The following SLC16A12 variants were observed in gnomAD, a reference collection of about 807,000 sequenced individuals.
SLC16A12 encodes the protein monocarboxylate transporter 12.
Under a neutral mutation model 42.4 loss-of-function variants are expected in SLC16A12, and 17 were observed. That is an observed-to-expected ratio of 0.40 (90% CI 0.27 to 0.60). The LOEUF (loss-of-function observed/expected upper bound fraction) is 0.60, where lower values mean the gene tolerates loss of function less well. SLC16A12 is among the 20% of genes least tolerant of loss of function. SLC16A12 has a pLI of 0.42. For synonymous variants in SLC16A12, 224 were observed against 229.4 expected (o/e 0.98, Z 0.21); for missense variants, 544 against 623.0 (o/e 0.87, Z 1.35).
chr10:89,508,929 C>A (rs1157639999), intron 2 of SLC16A12, among the ~76,000 whole-genome samples: 2 of 152,074 alleles, frequency 1.3e-5, no homozygotes. Flanking sequence ...TGTCATTACA[C>A]AGAAATACAA....
intron 2 of SLC16A12, among the ~76,000 whole-genome samples, chr10:89,480,533 A>G (rs1401173949): frequency 6.6e-6 from 1 of 152,222 alleles, no homozygotes; most frequent in Non-Finnish European, 1.5e-5. Context: ...TTTCCAAACT[A>G]AAAAGTAAGA....
At chr10:89,537,132 G>A (rs921193216), upstream of SLC16A12, among the ~76,000 whole-genome samples, 1 of 148,896 alleles carries the variant, frequency 6.7e-6, no homozygotes, top group Non-Finnish European at 1.5e-5. Context: ...ACGCAGCAAG[G>A]CACCGTAGGT....
intron 6 of SLC16A12, among the ~76,000 whole-genome samples, chr10:89,437,254 G>A (rs1341844442): frequency 6.6e-6 from 1 of 152,206 alleles, no homozygotes; most frequent in Non-Finnish European, 1.5e-5. Context: ...GATCTCCCAA[G>A]TGGTATTCCC....
chr10:89,462,384 G>C lies in SLC16A12; in HGVS notation c.195C>G (p.Val65=), dbSNP rs755203615. 5.6e-6 allele frequency: 9 copies of C among 1,613,898 alleles called. No homozygotes were observed. In the East Asian group the frequency reaches 2.0e-4, roughly 36 times the overall value. ...AAGAAGAAAATCCTACCTACCTTGTGACTGCCCGTGTGCAGATGGTAACAA... is the reference window on the plus strand; with the variant it reads ...AAGAAGAAAATCCTACCTACCTTGTCACTGCCCGTGTGCAGATGGTAACAA... ...CFLVTICTRA[V]TRCISIFFVE... The change falls in exon 3 of 8, where the codon GTC becomes GTG. Residue 65 remains valine (V), a synonymous_variant. Coordinates refer to ENST00000371790, the MANE Select transcript of SLC16A12 (RefSeq NM_213606.4).
chr10:89,510,977 A>G (rs1288918492), intron 2 of SLC16A12, among the ~76,000 whole-genome samples: 1 of 152,250 alleles, frequency 6.6e-6, no homozygotes, highest in Admixed American at 6.5e-5. Context: ...ACTTATAAAA[A>G]AATACTCATC....
chr10:89,462,269 T>A, intron 3 of SLC16A12, 110 bp downstream of exon 3: 1 of 1,469,410 alleles, frequency 6.8e-7, no homozygotes, highest in Non-Finnish European at 9.3e-7. Context: ...ACACACCACA[T>A]GAACACACAC....
chr10:89,543,891 G>A (rs1196950444), intron 2 of SLC16A12, among the ~76,000 whole-genome samples: 4 of 152,164 alleles, frequency 2.6e-5, no homozygotes, highest in Non-Finnish European at 5.9e-5. Flanking sequence ...CCTAGTAAGT[G>A]CCCAATATGT....
intron 2 of SLC16A12, among the ~76,000 whole-genome samples, chr10:89,490,528 C>A (rs997375709): frequency 6.6e-6 from 1 of 152,148 alleles, no homozygotes; most frequent in Admixed American, 6.5e-5. Flanking sequence ...AGGGAAAAAT[C>A]TTTACTTATG....
intron 6 of SLC16A12, among the ~76,000 whole-genome samples, chr10:89,438,396 A>G (rs906705800): frequency 3.3e-5 from 5 of 152,238 alleles, no homozygotes; most frequent in African/African-American, 7.2e-5. Flanking sequence ...CACTTGGCCT[A>G]CAAAGCCAAA....
At chr10:89,524,784 T>A (rs1314164309) in intron 2 of SLC16A12, among the ~76,000 whole-genome samples, 2 of 152,230 alleles carry the variant, frequency 1.3e-5, no homozygotes, top group Admixed American at 1.3e-4. Context: ...AGTGCATGTT[T>A]GCCTGGGAAG....
At position 89,462,439 on chromosome 10, in the gene SLC16A12, C is replaced by G. The variant is rs1842316793; in HGVS notation, c.140G>C (p.Trp47Ser). The G allele has an allele frequency of 6.2e-7, 1 of 1,613,966 alleles. No individual in the cohort carries two copies. Among genetic ancestry groups the G allele is most frequent in the Non-Finnish European group, 8.5e-7 (1 of 1,179,970 alleles). Residue 47 changes from tryptophan to serine, a missense_variant, in exon 3 of 8, where the codon TGG becomes TCG. Physicochemically the swap from Trp to Ser is radical, Grantham distance 177. Transcript: ENST00000371790. ...ACAGCCAGCCACAATCATCCAGCCCCAGCCTCCATCTGGAGGGGAGGTAGA... is the reference window on the plus strand; with the variant it reads ...ACAGCCAGCCACAATCATCCAGCCCGAGCCTCCATCTGGAGGGGAGGTAGA... ...ARSTSPPDGG[W>S]GWMIVAGCFL...
At chr10:89,441,293 A>T in intron 4 of SLC16A12, 42 bp from the exon 5 acceptor site, 1 of 1,612,532 alleles carries the variant, frequency 6.2e-7, no homozygotes, top group Non-Finnish European at 8.5e-7. Context: ...AAAGGCCTTG[A>T]GGGCACTGTG....
intron 2 of SLC16A12, among the ~76,000 whole-genome samples, chr10:89,487,373 AC>A (rs1041778344): frequency 2.0e-5 from 3 of 152,062 alleles, no homozygotes; most frequent in African/African-American, 7.2e-5. Context: ...AGAAAAGGGA[AC>A]TCTCATACAT....
At chr10:89,510,651 C>G (rs1438693730) in intron 2 of SLC16A12, among the ~76,000 whole-genome samples, 1 of 152,108 alleles carries the variant, frequency 6.6e-6, no homozygotes, top group South Asian at 2.1e-4. Flanking sequence ...CTAGGCAATA[C>G]CATTCAGACA....
At chr10:89,466,373 A>C (rs949594873) in intron 2 of SLC16A12, among the ~76,000 whole-genome samples, 1 of 152,152 alleles carries the variant, frequency 6.6e-6, no homozygotes, top group African/African-American at 2.4e-5. Context: ...TGCTTTCATG[A>C]GGCTCACATC....
At chr10:89,476,493 G>A (rs1414730115) in intron 2 of SLC16A12, among the ~76,000 whole-genome samples, 2 of 152,122 alleles carry the variant, frequency 1.3e-5, no homozygotes, top group Non-Finnish European at 1.5e-5. Context: ...CTAAGAGGAG[G>A]GACCCTGGAG....
rs1843752448 is a variant in SLC16A12 at position 89,548,291 on chromosome 10, G to T, written c.-47+7591C>A. Among the ~76,000 whole-genome samples, 3 of 152,162 alleles carry T rather than the reference G, an allele frequency of 2.0e-5. No homozygotes were observed. The South Asian group carries it at 6.2e-4, about 32-fold the overall frequency. On this transcript the variant is annotated intron_variant, in intron 2 of 2. Coordinates refer to the SLC16A12 transcript ENST00000475682. The stretch of plus-strand genomic sequence containing the variant: ...AGGATGGTGATCATTAACAGAGAAA[G>T]AAAAGGTAGCAGCATGTGAACTGTT...
intron 2 of SLC16A12, among the ~76,000 whole-genome samples, chr10:89,502,767 T>G (rs1397872930): frequency 6.6e-6 from 1 of 152,246 alleles, no homozygotes; most frequent in Non-Finnish European, 1.5e-5. Context: ...ATATTGGTTG[T>G]CAGAGATTGA....
chr10:89,533,743 CTTAAAA>C (rs1564602568), intron 2 of SLC16A12, among the ~76,000 whole-genome samples: 1 of 151,304 alleles, frequency 6.6e-6, no homozygotes, highest in Non-Finnish European at 1.5e-5. Flanking sequence ...TAAAATATTA[CTTAAAA>C]TTAAAGGTTT....
Sources: gnomAD v4.1 joint callset for allele counts (sites outside exome capture counted in the v4.1 genomes callset) on GRCh38, gnomAD v4.1.1 for gene constraint, MANE v1.5 for transcripts, NCBI Gene and HGNC (gene_info 2026-07-23, HGNC 2026-07-21) for gene names.